The following GPLD1 variants were observed in gnomAD, a reference collection of about 807,000 sequenced individuals.
The protein encoded by GPLD1 is phosphatidylinositol-glycan-specific phospholipase D.
In GPLD1, 84 loss-of-function variants were observed where a neutral mutation model predicts 112.6. That is an observed-to-expected ratio of 0.75 (90% confidence interval 0.63 to 0.89). The LOEUF is 0.89. Ranked by LOEUF, GPLD1 falls within the 40% of genes least tolerant of loss-of-function variation. The pLI is 0.00. For synonymous variants in GPLD1, 386 were observed against 403.8 expected (o/e 0.96, Z 0.53); for missense variants, 1,044 against 1,051.5 (o/e 0.99, Z 0.10).
intron 2 of GPLD1, among the ~76,000 whole-genome samples, chr6:24,480,280 G>T (rs192465814): frequency 2.6e-5 from 4 of 151,478 alleles, no homozygotes; most frequent in Non-Finnish European, 1.5e-5. Flanking sequence ...TTTCCCTGAG[G>T]CCTTAAGGTT....
intron 3 of GPLD1, among the ~76,000 whole-genome samples, chr6:24,477,946 C>T (rs1764076765): frequency 6.6e-6 from 1 of 152,044 alleles, no homozygotes; most frequent in Non-Finnish European, 1.5e-5. Flanking sequence ...ATGCAAATTC[C>T]CTGTAACTAG....
chr6:24,455,967 G>A (rs939396769), intron 13 of GPLD1, among the ~76,000 whole-genome samples: 3 of 152,006 alleles, frequency 2.0e-5, no homozygotes, highest in African/African-American at 7.3e-5. Context: ...TTGAGCCCAG[G>A]AGTTTGAGAC....
intron 14 of GPLD1, among the ~76,000 whole-genome samples, chr6:24,452,773 C>CAA (rs57715891): frequency 0.21 from 28,347 of 136,156 alleles, 3,021 homozygotes; most frequent in Non-Finnish European, 0.24. Flanking sequence ...GAGTTTATCT[C>CAA]AAAAAAAAAA....
chr6:24,495,271 AC>A (rs1294269013), upstream of GPLD1: 1 of 1,532,192 alleles, frequency 6.5e-7, no homozygotes. Context: ...ATGGTAGCCG[AC>A]TGCGGGGTGC....
intron 3 of GPLD1, 36 bp from the exon 4 acceptor site, chr6:24,476,314 TA>T (rs1245852891): frequency 3.5e-6 from 4 of 1,129,250 alleles, no homozygotes; most frequent in Non-Finnish European, 5.2e-6. Context: ...GATTCTCTCT[TA>T]AAAGTTGGAG....
intron 7 of GPLD1, among the ~76,000 whole-genome samples, chr6:24,470,869 G>A (rs1204454530): frequency 6.6e-6 from 1 of 152,166 alleles, no homozygotes; most frequent in African/African-American, 2.4e-5. Context: ...AAAGTGCTGG[G>A]ATTACAGGCA....
At position 24,426,476 on chromosome 6, in the gene GPLD1, T is replaced by G. The variant is rs757415248; in HGVS notation, c.*2556A>C. On this transcript the variant is annotated 3_prime_UTR_variant, in exon 25 of 25. Transcript: ENST00000230036. ...TAGTATGGTTAAATGTCCTATAAAC[T>G]TGAAGCTTGCTTCCATTTTTGTGGG... Among the ~76,000 whole-genome samples the G allele has an allele frequency of 8.9e-6, 1 of 111,752 alleles. No individual in the cohort carries two copies. The highest frequency in any genetic ancestry group is 1.9e-5 in the Non-Finnish European group (1 of 53,468). 73.3% of individuals were successfully genotyped at this position (111,752 alleles called of 152,430 possible).
intron 11 of GPLD1, among the ~76,000 whole-genome samples, chr6:24,461,611 C>A (rs900612978): frequency 1.7e-4 from 26 of 152,042 alleles, no homozygotes; most frequent in Admixed American, 1.7e-3. Context: ...ATTCCTGACA[C>A]TTAAATATCT....
At chr6:24,495,086 C>T in exon 1 of GPLD1, 1 of 1,323,410 alleles carries the variant, frequency 7.6e-7, no homozygotes, top group Non-Finnish European at 9.6e-7. Flanking sequence ...GCGCCGGCGG[C>T]CTGGTCCCTG....
rs752379852 is a variant in GPLD1, at chr6:24,449,858, A to G, written c.1377T>C (p.Phe459=). ...CCAGGTCAGGCACGCCGTCCACGTT[A>G]AAGTCCAACACAGCCAAGGCCGAGC... is the stretch of plus-strand genomic sequence containing the variant. The part of the protein sequence containing the change: ...RFGSALAVLD[F]NVDGVPDLAV... The change falls in exon 15 of 25, where the codon TTT becomes TTC. Residue 459 remains phenylalanine, a synonymous_variant. Transcript: ENST00000230036. The G allele has an allele frequency of 2.9e-5, 47 of 1,613,924 alleles. 1 individual carries two copies. The South Asian group carries it at 3.7e-4, about 13-fold the overall frequency.
At chr6:24,452,408 G>GTACAT (rs1335138422) in intron 14 of GPLD1, among the ~76,000 whole-genome samples, 5 of 152,138 alleles carry the variant, frequency 3.3e-5, no homozygotes, top group Admixed American at 3.3e-4. Flanking sequence ...CACCTTATTT[G>GTACAT]TACATGTTGG....
In GPLD1 at chr6:24,444,731, T is replaced by A. The variant is rs548244124; in HGVS notation, c.2020+815A>T. ...TAATGTGGTGGCTGACTGCCTGTAG[T>A]CGCAGCTACTCAGGAGGCTGAGGTG... On this transcript the variant is annotated intron_variant, in intron 20 of 24. Coordinates refer to ENST00000230036, the MANE Select transcript of GPLD1 (RefSeq NM_001503.4). 3.3e-3 allele frequency among the ~76,000 whole-genome samples: 500 copies of A among 152,188 alleles called. 5 individuals are homozygous for A. Among genetic ancestry groups the A allele is most frequent in the African/African-American group, 0.011 (460 of 41,522 alleles).
intron 22 of GPLD1, among the ~76,000 whole-genome samples, chr6:24,434,069 G>GA (rs1024857648): frequency 3.5e-4 from 54 of 152,136 alleles, no homozygotes; most frequent in Admixed American, 3.5e-3. Context: ...GATAACATAA[G>GA]AAAATGTTCT....
chr6:24,438,822 T>C (rs568814917), intron 20 of GPLD1, among the ~76,000 whole-genome samples: 25 of 152,196 alleles, frequency 1.6e-4, no homozygotes, highest in African/African-American at 6.0e-4. Context: ...AGTCTCACTC[T>C]GTCACCCAGG....
chr6:24,436,764 A>C (rs746022924), intron 21 of GPLD1, 28 bp from the exon 22 acceptor site: 3 of 1,609,984 alleles, frequency 1.9e-6, no homozygotes, highest in Admixed American at 1.7e-5. Context: ...CGACAGAAGG[A>C]AGTATTTGAC....
intron 10 of GPLD1, among the ~76,000 whole-genome samples, chr6:24,466,319 G>A (rs1359722595): frequency 3.9e-5 from 6 of 152,250 alleles, no homozygotes; most frequent in Non-Finnish European, 7.3e-5. Context: ...CTGTACTCCA[G>A]CCTGAGCAAC....
chr6:24,447,707 G>T (rs1359179079), intron 17 of GPLD1, among the ~76,000 whole-genome samples, 170 bp downstream of exon 17: 1 of 152,148 alleles, frequency 6.6e-6, no homozygotes, highest in Non-Finnish European at 1.5e-5. Flanking sequence ...TGTATTTTCA[G>T]TGAATCTATG....
At chr6:24,441,282 G>A (rs1335812503) in intron 20 of GPLD1, among the ~76,000 whole-genome samples, 1 of 150,614 alleles carries the variant, frequency 6.6e-6, no homozygotes, top group African/African-American at 2.5e-5. Context: ...ATTCCAGCCT[G>A]GGCAAGAGAG....
At chr6:24,458,940 G>A (rs1488497431) in intron 12 of GPLD1, among the ~76,000 whole-genome samples, 2 of 151,930 alleles carry the variant, frequency 1.3e-5, no homozygotes, top group East Asian at 1.9e-4. Flanking sequence ...CCTAAACTAG[G>A]CCCTTCCGCA....
Sources: allele counts gnomAD v4.1 joint callset (sites outside exome capture counted in the v4.1 genomes callset), GRCh38; gene constraint gnomAD v4.1.1; transcripts MANE v1.5; gene names NCBI Gene and HGNC (gene_info 2026-07-23, HGNC 2026-07-21).